The following PEPD variants were observed in gnomAD, a reference collection of about 807,000 sequenced individuals.
The protein encoded by PEPD is xaa-Pro dipeptidase.
In PEPD, 53 loss-of-function variants were observed where a neutral mutation model predicts 60.7. The observed-to-expected ratio is 0.87, with a 90% CI of 0.70 to 1.10. The LOEUF is 1.10. Among genes scored for constraint, PEPD ranks in the 50% least tolerant of loss-of-function variants. The probability of loss-of-function intolerance (pLI) is 0.00; values close to 1 mark genes in which losing one functional copy is unlikely to be tolerated. For missense variants in PEPD, 711 were observed against 711.9 expected (o/e 1.00, Z 0.01); for synonymous variants, 267 against 284.1 (o/e 0.94, Z 0.60).
intron 11 of PEPD, among the ~76,000 whole-genome samples, chr19:33,404,945 A>G (rs1968585658): frequency 6.6e-6 from 1 of 152,178 alleles, no homozygotes; most frequent in Admixed American, 6.5e-5. Flanking sequence ...CACTTCATCC[A>G]TCCTCTGAAT....
At chr19:33,424,961 C>T (rs1017897406) in intron 9 of PEPD, among the ~76,000 whole-genome samples, 4 of 151,878 alleles carry the variant, frequency 2.6e-5, no homozygotes, top group African/African-American at 9.7e-5. Context: ...ACAGCCAAAC[C>T]ATATCAGACC....
At chr19:33,491,375 G>T (rs573646229) in intron 5 of PEPD, among the ~76,000 whole-genome samples, 1 of 152,122 alleles carries the variant, frequency 6.6e-6, no homozygotes, top group Non-Finnish European at 1.5e-5. Flanking sequence ...GCTTGAACCC[G>T]GGAGGTGGAG....
At chr19:33,428,030 C>A (rs1007725233) in intron 9 of PEPD, among the ~76,000 whole-genome samples, 9 of 152,034 alleles carry the variant, frequency 5.9e-5, no homozygotes, top group African/African-American at 2.2e-4. Context: ...CTGGCCCCCA[C>A]CTTGTAAGAG....
At chr19:33,395,310 G>A (rs1467835629) in intron 12 of PEPD, among the ~76,000 whole-genome samples, 1 of 152,168 alleles carries the variant, frequency 6.6e-6, no homozygotes, top group Non-Finnish European at 1.5e-5. Flanking sequence ...GGTGGTGCCC[G>A]TACTCTGCTC....
intron 4 of PEPD, among the ~76,000 whole-genome samples, chr19:33,496,949 C>G (rs3826904): frequency 0.34 from 51,654 of 152,268 alleles, 8,916 homozygotes; most frequent in South Asian, 0.47. Context: ...CCTTTGCCAG[C>G]GCTGGGAAAG....
At chr19:33,490,160 T>C (rs970738846) in intron 5 of PEPD, 103 bp from the exon 6 acceptor site, 18 of 789,070 alleles carry the variant, frequency 2.3e-5, no homozygotes, top group Non-Finnish European at 4.0e-5. Context: ...AAGAACAGGA[T>C]CCCCTCCTGC....
chr19:33,461,077 T>TAG, intron 9 of PEPD, among the ~76,000 whole-genome samples: 1 of 152,348 alleles, frequency 6.6e-6, no homozygotes, highest in East Asian at 1.9e-4. Context: ...ATGAAGGAGT[T>TAG]ACGGTTCGTT....
intron 7 of PEPD, among the ~76,000 whole-genome samples, chr19:33,466,675 T>G (rs1400703761): frequency 6.6e-6 from 1 of 151,938 alleles, no homozygotes; most frequent in Non-Finnish European, 1.5e-5. Context: ...CAGGATGTCT[T>G]ATGGACAACT....
intron 14 of PEPD, 54 bp downstream of exon 14, chr19:33,387,836 G>A: frequency 1.4e-6 from 2 of 1,381,222 alleles, no homozygotes; most frequent in Non-Finnish European, 1.0e-6. Context: ...GTCTGCAGCT[G>A]CAGTGGAGGT....
intron 12 of PEPD, among the ~76,000 whole-genome samples, chr19:33,396,496 C>T (rs1393682114): frequency 1.3e-5 from 2 of 152,202 alleles, no homozygotes; most frequent in African/African-American, 4.8e-5. Flanking sequence ...TCTGACCTCA[C>T]ATTGGCAGCA....
At chr19:33,416,719 T>C (rs1238547758) in intron 9 of PEPD, among the ~76,000 whole-genome samples, 5 of 152,152 alleles carry the variant, frequency 3.3e-5, no homozygotes, top group African/African-American at 1.2e-4. Context: ...TATGTGGCCA[T>C]TCCTCTAACA....
At chr19:33,477,507 G>A (rs1970239284) in intron 7 of PEPD, among the ~76,000 whole-genome samples, 1 of 152,216 alleles carries the variant, frequency 6.6e-6, no homozygotes, top group African/African-American at 2.4e-5. Flanking sequence ...TGGCACACTG[G>A]GATGCGAGGG....
intron 11 of PEPD, among the ~76,000 whole-genome samples, chr19:33,402,369 A>G (rs1968517023): frequency 6.6e-6 from 1 of 152,106 alleles, no homozygotes; most frequent in African/African-American, 2.4e-5. Flanking sequence ...GGGGCTGGGC[A>G]GGGACCCCGG....
At chr19:33,481,539 C>T (rs896677716) in intron 6 of PEPD, among the ~76,000 whole-genome samples, 21 of 152,068 alleles carry the variant, frequency 1.4e-4, no homozygotes, top group African/African-American at 5.1e-4. Context: ...GCACTCCAGC[C>T]TGGGTGACAA....
At chr19:33,508,441 C>T (rs184729358) in intron 3 of PEPD, among the ~76,000 whole-genome samples, 53 of 152,346 alleles carry the variant, frequency 3.5e-4, no homozygotes, top group African/African-American at 1.1e-3. Flanking sequence ...GGGGAATAAA[C>T]GACTCCAACA....
intron 3 of PEPD, among the ~76,000 whole-genome samples, chr19:33,509,258 G>C (rs921006237): frequency 5.9e-5 from 9 of 152,252 alleles, no homozygotes; most frequent in Non-Finnish European, 1.3e-4. Flanking sequence ...AAGGCAGTTG[G>C]CCCGGGTGTG....
chr19:33,389,576 G>A (rs534238168), intron 13 of PEPD, among the ~76,000 whole-genome samples: 2 of 152,170 alleles, frequency 1.3e-5, no homozygotes, highest in African/African-American at 2.4e-5. Context: ...CACAGCAATC[G>A]AAGCCAGGGG....
intron 9 of PEPD, among the ~76,000 whole-genome samples, chr19:33,457,858 C>CAAAAACAGA (rs71181358): frequency 6.6e-6 from 1 of 151,848 alleles, no homozygotes; most frequent in Admixed American, 6.5e-5. Flanking sequence ...AACAAGCAAA[C>CAAAAACAGA]AAAAAGAGAA....
intron 13 of PEPD, 145 bp from the exon 14 acceptor site, chr19:33,388,226 G>A (rs1568443067): frequency 2.7e-6 from 2 of 743,952 alleles, no homozygotes; most frequent in Non-Finnish European, 4.7e-6. Context: ...CGCCCCTGCT[G>A]TGCTGGGCCA....
Sources: allele counts gnomAD v4.1 joint callset (sites outside exome capture counted in the v4.1 genomes callset), GRCh38; gene constraint gnomAD v4.1.1; transcripts MANE v1.5; gene names NCBI Gene and HGNC (gene_info 2026-07-23, HGNC 2026-07-21).